The following TENM2 variants were observed in gnomAD, a reference collection of about 807,000 sequenced individuals.
TENM2 encodes the protein teneurin-2.
A neutral mutation model predicts 245.2 loss-of-function variants in TENM2; 52 were observed. That is an observed-to-expected ratio of 0.21 (90% CI 0.17 to 0.27). The LOEUF is 0.27. Ranked by LOEUF, TENM2 falls within the 10% of genes least tolerant of loss-of-function variation. TENM2 has a pLI of 1.00. For synonymous variants in TENM2, 1,363 were observed against 1,438.9 expected (o/e 0.95, Z 1.19); for missense variants, 3,046 against 3,666.8 (o/e 0.83, Z 4.37).
At chr5:167,137,521 A>G in the TENM2 span, among the ~76,000 whole-genome samples, 5 of 152,158 alleles carry the variant, frequency 3.3e-5, no homozygotes, top group African/African-American at 7.2e-5. Flanking sequence ...AAATTCGGGA[A>G]TCTCCCCAGG....
At chr5:167,844,869 G>A (rs1387450266) in intron 2 of TENM2, among the ~76,000 whole-genome samples, 3 of 145,908 alleles carry the variant, frequency 2.1e-5, no homozygotes, top group South Asian at 2.1e-4. Context: ...AAAATCCTTC[G>A]TAGACTTTTC....
At chr5:168,262,074 C>G (rs772538586) in exon 29 of TENM2, 2 of 1,613,988 alleles carry the variant, frequency 1.2e-6, no homozygotes, top group Non-Finnish European at 1.7e-6. Flanking sequence ...CAACAGACAA[C>G]AGAGAGACAT....
the TENM2 span, among the ~76,000 whole-genome samples, chr5:167,059,938 G>T: frequency 6.6e-6 from 1 of 152,150 alleles, no homozygotes; most frequent in Non-Finnish European, 1.5e-5. Flanking sequence ...CCTGACTTCA[G>T]GTGATCCACC....
At chr5:167,927,704 T>C (rs1777869736) in intron 3 of TENM2, among the ~76,000 whole-genome samples, 2 of 152,192 alleles carry the variant, frequency 1.3e-5, no homozygotes, top group Non-Finnish European at 2.9e-5. Flanking sequence ...GGAAGGCTGC[T>C]CTGGCTTGGA....
chr5:168,212,987 A>G (rs1040829550), intron 20 of TENM2, among the ~76,000 whole-genome samples: 2 of 152,214 alleles, frequency 1.3e-5, no homozygotes, highest in African/African-American at 2.4e-5. Context: ...AGAAAGTCCA[A>G]AATTAATTAT....
chr5:167,238,467 G>A, the TENM2 span, among the ~76,000 whole-genome samples: 2 of 152,100 alleles, frequency 1.3e-5, no homozygotes, highest in South Asian at 4.1e-4. Context: ...CATGAAGATA[G>A]GCTTGGATTA....
intron 2 of TENM2, among the ~76,000 whole-genome samples, chr5:167,753,551 A>G (rs1434667571): frequency 2.0e-5 from 3 of 152,200 alleles, no homozygotes; most frequent in African/African-American, 7.2e-5. Context: ...ACATGTATTA[A>G]TGCAATCTTC....
At chr5:167,352,729 T>C (rs1759001550) in intron 1 of TENM2, among the ~76,000 whole-genome samples, 1 of 152,192 alleles carries the variant, frequency 6.6e-6, no homozygotes, top group Non-Finnish European at 1.5e-5. Flanking sequence ...CTTCTTAGAG[T>C]TGTAGCTAAT....
intron 5 of TENM2, among the ~76,000 whole-genome samples, chr5:168,015,516 G>A (rs930501632): frequency 1.3e-5 from 2 of 152,190 alleles, no homozygotes; most frequent in Non-Finnish European, 2.9e-5. Flanking sequence ...TTCTAGAATC[G>A]GAAAGAGAAA....
At chr5:167,232,569 C>T in the TENM2 span, among the ~76,000 whole-genome samples, 3 of 151,998 alleles carry the variant, frequency 2.0e-5, no homozygotes, top group Admixed American at 2.0e-4. Flanking sequence ...GACAGGGTTT[C>T]CCCATGTTGT....
intron 2 of TENM2, among the ~76,000 whole-genome samples, chr5:167,784,556 C>A (rs2150856630): frequency 6.6e-6 from 1 of 152,268 alleles, no homozygotes; most frequent in East Asian, 1.9e-4. Context: ...TAATATAGTT[C>A]CTGCCTTCTG....
Position 167,522,856 on chromosome 5 carries a change from A to G in TENM2, c.502+147383A>G, listed in dbSNP as rs112266086. Among the ~76,000 whole-genome samples, 1,001 of 152,132 alleles carry G rather than the reference A, an allele frequency of 6.6e-3. 8 individuals carry two copies. The highest frequency in any genetic ancestry group is 0.011 in the Non-Finnish European group (762 of 67,966). ...AGCAAGTGATTTCACCTAGGCAGCT[A>G]TGTGTGTTAGTATTATGTGACTATC... On this transcript the variant is annotated intron_variant, in intron 2 of 28. Coordinates refer to ENST00000518659, the Ensembl canonical transcript of TENM2.
chr5:168,177,231 G>C (rs10516044), intron 13 of TENM2, among the ~76,000 whole-genome samples: 12,740 of 152,314 alleles, frequency 0.084, 669 homozygotes, highest in Middle Eastern at 0.14. Context: ...CCTTAGTCAA[G>C]TAACTGACCC....
rs557009113 is a variant in TENM2 at position 167,915,853 on chromosome 5, G to A, written c.713-36735G>A. Among the ~76,000 whole-genome samples, 5 of 152,244 alleles carry A rather than the reference G, an allele frequency of 3.3e-5. No individual in the cohort carries two copies. In the East Asian group the frequency reaches 9.7e-4, roughly 29 times the overall value. On this transcript the variant is annotated intron_variant, in intron 3 of 28. Coordinates refer to ENST00000518659, the Ensembl canonical transcript of TENM2. ...GTAATTACTCTTCCAAAATAGACTT[G>A]CTGTTAAGTAATCTTGTCCATGCAA...
chr5:168,069,633 G>A (rs56911760), intron 7 of TENM2, among the ~76,000 whole-genome samples: 2,695 of 152,248 alleles, frequency 0.018, 72 homozygotes, highest in African/African-American at 0.061. Context: ...AGCATTAGTG[G>A]CAGTCCCCTT....
At position 167,432,177 on chromosome 5, in the gene TENM2, C is replaced by T. The variant is rs562667946; in HGVS notation, c.502+56704C>T. On this transcript the variant is annotated intron_variant, in intron 2 of 28. Transcript: ENST00000518659. Reference sequence around the variant, plus strand: ...AGGAGAGATTCGCAATATGGGAAAGCACAGTGAGTGGTTTACCTCCATAAA... The same window carrying T: ...AGGAGAGATTCGCAATATGGGAAAGTACAGTGAGTGGTTTACCTCCATAAA... 2.0e-5 allele frequency among the ~76,000 whole-genome samples: 3 copies of T among 151,566 alleles called. No individual in the cohort carries two copies. In the East Asian group the frequency reaches 5.8e-4, roughly 29 times the overall value.
At chr5:167,431,477 A>C (rs529341335) in intron 2 of TENM2, among the ~76,000 whole-genome samples, 1 of 152,314 alleles carries the variant, frequency 6.6e-6, no homozygotes, top group Admixed American at 6.5e-5. Context: ...TTTAAAAATG[A>C]GAGTACTTCT....
chr5:167,230,789 A>G, the TENM2 span, among the ~76,000 whole-genome samples: 1 of 152,204 alleles, frequency 6.6e-6, no homozygotes, highest in African/African-American at 2.4e-5. Context: ...TAGAAATGTA[A>G]TGTAAACTTA....
At chr5:167,603,492 G>A (rs1173576240) in intron 2 of TENM2, among the ~76,000 whole-genome samples, 1 of 152,062 alleles carries the variant, frequency 6.6e-6, no homozygotes, top group East Asian at 1.9e-4. Flanking sequence ...AGACCAGCCT[G>A]GGCAACATAG....
Sources: allele counts gnomAD v4.1 joint callset (sites outside exome capture counted in the v4.1 genomes callset), GRCh38; gene constraint gnomAD v4.1.1; transcripts MANE v1.5; gene names NCBI Gene and HGNC (gene_info 2026-07-23, HGNC 2026-07-21).